FCHSD2: variants seen among roughly 807,000 people sequenced by gnomAD.
The protein encoded by FCHSD2 is F-BAR and double SH3 domains protein 2.
Under a neutral mutation model 108.1 loss-of-function variants are expected in FCHSD2, and 38 were observed. The ratio of observed to expected loss-of-function variants is 0.35; its 90% CI spans 0.27 to 0.46. The LOEUF (loss-of-function observed/expected upper bound fraction) is 0.46, where lower values mean the gene tolerates loss of function less well. Ranked by LOEUF, FCHSD2 falls within the 20% of genes least tolerant of loss-of-function variation. The pLI is 1.00. For synonymous variants in FCHSD2, 279 were observed against 314.7 expected (o/e 0.89, Z 1.20); for missense variants, 751 against 897.8 (o/e 0.84, Z 2.09).
chr11:73,087,335 G>T (rs1447987819), intron 2 of FCHSD2, among the ~76,000 whole-genome samples: 3 of 149,640 alleles, frequency 2.0e-5, no homozygotes, highest in Admixed American at 2.0e-4. Context: ...AGTCAAAAAA[G>T]TTTTTTTTTT....
intron 2 of FCHSD2, among the ~76,000 whole-genome samples, chr11:73,118,305 C>G (rs1435985131): frequency 6.6e-6 from 1 of 152,114 alleles, no homozygotes; most frequent in Non-Finnish European, 1.5e-5. Flanking sequence ...GGTGACAGAG[C>G]AAGACTCCAT....
At chr11:72,977,721 T>C (rs1857130160) in intron 8 of FCHSD2, among the ~76,000 whole-genome samples, 1 of 152,222 alleles carries the variant, frequency 6.6e-6, no homozygotes, top group African/African-American at 2.4e-5. Context: ...TTTTACACTG[T>C]TGGTGGGACT....
intron 2 of FCHSD2, among the ~76,000 whole-genome samples, chr11:73,128,658 G>A (rs1389715006): frequency 2.6e-5 from 4 of 152,160 alleles, no homozygotes; most frequent in Non-Finnish European, 4.4e-5. Flanking sequence ...ACCTGAAGTT[G>A]TTATATGAAA....
At chr11:73,018,124 C>T (rs1429843434) in intron 3 of FCHSD2, among the ~76,000 whole-genome samples, 2 of 152,152 alleles carry the variant, frequency 1.3e-5, no homozygotes, top group African/African-American at 4.8e-5. Flanking sequence ...TCTTCTGATG[C>T]TCAAATTGTC....
intron 4 of FCHSD2, among the ~76,000 whole-genome samples, chr11:73,009,148 A>G (rs1357952152): frequency 6.6e-6 from 1 of 152,202 alleles, no homozygotes; most frequent in Non-Finnish European, 1.5e-5. Flanking sequence ...AAACAATTTA[A>G]AAGACTGATT....
At chr11:73,058,513 A>G (rs1169198527) in intron 3 of FCHSD2, among the ~76,000 whole-genome samples, 1 of 152,168 alleles carries the variant, frequency 6.6e-6, no homozygotes, top group Non-Finnish European at 1.5e-5. Flanking sequence ...AAAGGCTTCA[A>G]GATCTTTATT....
intron 8 of FCHSD2, among the ~76,000 whole-genome samples, chr11:72,972,155 T>C (rs1857018552): frequency 6.6e-6 from 1 of 152,210 alleles, no homozygotes; most frequent in Non-Finnish European, 1.5e-5. Flanking sequence ...TCTGCTTCAG[T>C]ACCCCTCATC....
At chr11:72,873,104 C>A (rs1854896907) in intron 12 of FCHSD2, among the ~76,000 whole-genome samples, 1 of 151,824 alleles carries the variant, frequency 6.6e-6, no homozygotes, top group South Asian at 2.1e-4. Context: ...CTGAGGCGGG[C>A]AGATCACCAG....
At chr11:72,929,847 T>G (rs751800455) in intron 8 of FCHSD2, among the ~76,000 whole-genome samples, 16 of 152,238 alleles carry the variant, frequency 1.1e-4, no homozygotes, top group Non-Finnish European at 2.2e-4. Flanking sequence ...AAAAGACCCT[T>G]AATTCCTTGA....
At chr11:73,082,335 C>CAAAAA (rs750423401) in intron 3 of FCHSD2, among the ~76,000 whole-genome samples, 582 of 34,266 alleles carry the variant, frequency 0.017, 39 homozygotes, top group Middle Eastern at 0.05. Context: ...AGACTTGTCC[C>CAAAAA]AAAAAAAAAA....
At chr11:72,915,667 A>C (rs1855857671) in intron 9 of FCHSD2, among the ~76,000 whole-genome samples, 1 of 152,008 alleles carries the variant, frequency 6.6e-6, no homozygotes, top group South Asian at 2.1e-4. Flanking sequence ...AAAATACAAA[A>C]ATTAGCCGGG....
intron 8 of FCHSD2, among the ~76,000 whole-genome samples, chr11:72,942,834 T>C (rs1856446885): frequency 2.0e-5 from 3 of 152,074 alleles, no homozygotes; most frequent in Non-Finnish European, 4.4e-5. Context: ...CAGGCTGGAG[T>C]GCAGTGGTAT....
At chr11:73,134,324 G>A (rs188562410) in intron 2 of FCHSD2, among the ~76,000 whole-genome samples, 344 of 152,146 alleles carry the variant, frequency 2.3e-3, no homozygotes, top group Non-Finnish European at 1.9e-3. Context: ...TACAAAATTA[G>A]CCAGGCATGG....
chr11:72,919,348 A>C (rs1855935926), intron 9 of FCHSD2, among the ~76,000 whole-genome samples: 1 of 152,130 alleles, frequency 6.6e-6, no homozygotes, highest in Admixed American at 6.5e-5. Flanking sequence ...ATTTCTGGGG[A>C]GTGAGATACT....
intron 8 of FCHSD2, among the ~76,000 whole-genome samples, chr11:72,932,629 C>T (rs1017993407): frequency 2.0e-5 from 3 of 152,210 alleles, no homozygotes; most frequent in Non-Finnish European, 4.4e-5. Context: ...TCTTATCAGC[C>T]TTAGTCTCTT....
At chr11:72,999,097 A>C (rs1383506426) in intron 5 of FCHSD2, among the ~76,000 whole-genome samples, 1 of 152,178 alleles carries the variant, frequency 6.6e-6, no homozygotes, top group African/African-American at 2.4e-5. Context: ...CCATGCTTGA[A>C]GTCCTTCAAT....
chr11:73,061,168 G>A (rs568951636), intron 3 of FCHSD2, among the ~76,000 whole-genome samples: 7 of 152,316 alleles, frequency 4.6e-5, no homozygotes, highest in South Asian at 2.1e-4. Flanking sequence ...AAGGCGAGCC[G>A]AAGCAGGGTG....
intron 2 of FCHSD2, among the ~76,000 whole-genome samples, chr11:73,127,335 G>C (rs958380812): frequency 6.6e-6 from 1 of 152,162 alleles, no homozygotes; most frequent in Non-Finnish European, 1.5e-5. Context: ...AAGGAATATT[G>C]AAAGGACCTA....
At chr11:73,010,633 T>C (rs1256479862) in intron 4 of FCHSD2, among the ~76,000 whole-genome samples, 1 of 152,248 alleles carries the variant, frequency 6.6e-6, no homozygotes, top group Non-Finnish European at 1.5e-5. Flanking sequence ...ACGGTATCTG[T>C]ACGATTTCTT....
Sources: allele counts gnomAD v4.1 joint callset (sites outside exome capture counted in the v4.1 genomes callset), GRCh38; gene constraint gnomAD v4.1.1; transcripts MANE v1.5; gene names NCBI Gene and HGNC (gene_info 2026-07-23, HGNC 2026-07-21).